PDSS2: variants seen among roughly 807,000 people sequenced by gnomAD.
The protein encoded by PDSS2 is decaprenyl diphosphate synthase subunit 2.
Under a neutral mutation model 44.5 loss-of-function variants are expected in PDSS2, and 31 were observed. The observed-to-expected ratio is 0.70, with a 90% CI of 0.52 to 0.94. The LOEUF (loss-of-function observed/expected upper bound fraction) is 0.94, where lower values mean the gene tolerates loss of function less well. Among genes scored for constraint, PDSS2 ranks in the 40% least tolerant of loss-of-function variants. The probability of loss-of-function intolerance (pLI) is 0.00; values close to 1 mark genes in which losing one functional copy is unlikely to be tolerated. For synonymous variants in PDSS2, 157 were observed against 180.3 expected (o/e 0.87, Z 1.03); for missense variants, 452 against 482.2 (o/e 0.94, Z 0.59).
At chr6:107,303,157 G>C (rs948079904) in intron 2 of PDSS2, among the ~76,000 whole-genome samples, 2 of 152,136 alleles carry the variant, frequency 1.3e-5, no homozygotes, top group Non-Finnish European at 2.9e-5. Context: ...AAGAGCAAGG[G>C]AGTGAGTACT....
chr6:107,366,680 G>A (rs1056882658), intron 1 of PDSS2, among the ~76,000 whole-genome samples: 38 of 151,904 alleles, frequency 2.5e-4, no homozygotes, highest in African/African-American at 4.8e-4. Flanking sequence ...AAAGGACTAT[G>A]AGGGAATATA....
intron 7 of PDSS2, among the ~76,000 whole-genome samples, chr6:107,165,159 T>A (rs1554247298): frequency 6.6e-6 from 1 of 152,166 alleles, no homozygotes; most frequent in African/African-American, 2.4e-5. Context: ...GCAGAAGCTC[T>A]TTAGTTTAAT....
chr6:107,455,724 C>G (rs1399969690), intron 1 of PDSS2, among the ~76,000 whole-genome samples: 1 of 134,798 alleles, frequency 7.4e-6, no homozygotes, highest in Non-Finnish European at 1.5e-5. Context: ...ACTGGGCACT[C>G]CAGCCTGGCG....
chr6:107,197,025 T>G lies in PDSS2; in HGVS notation c.1009-3171A>C, dbSNP rs79318597. 6.0e-3 allele frequency among the ~76,000 whole-genome samples: 918 copies of G among 152,330 alleles called. 12 individuals are homozygous for G. The highest frequency in any genetic ancestry group is 0.021 in the African/African-American group (876 of 41,576). On this transcript the variant is annotated intron_variant, in intron 6 of 7. Coordinates refer to ENST00000369037, the MANE Select transcript of PDSS2 (RefSeq NM_020381.4). Reference sequence around the variant, plus strand: ...TCCCACTTGTCTTAACTTATGCATCTTCTCATCTGTGTTCTTTGTAATATT... The same window carrying G: ...TCCCACTTGTCTTAACTTATGCATCGTCTCATCTGTGTTCTTTGTAATATT...
chr6:107,393,920 C>T (rs1403652236), intron 1 of PDSS2, among the ~76,000 whole-genome samples: 1 of 152,128 alleles, frequency 6.6e-6, no homozygotes, highest in East Asian at 1.9e-4. Context: ...TTGTTTGATA[C>T]ATATTTTTCT....
chr6:107,405,572 G>A (rs1780286077), intron 1 of PDSS2, among the ~76,000 whole-genome samples: 1 of 152,124 alleles, frequency 6.6e-6, no homozygotes, highest in African/African-American at 2.4e-5. Flanking sequence ...CAGAGGCCGG[G>A]CGCGGTGGCT....
intron 2 of PDSS2, among the ~76,000 whole-genome samples, chr6:107,283,623 G>C (rs1391470497): frequency 6.6e-6 from 1 of 152,112 alleles, no homozygotes; most frequent in East Asian, 1.9e-4. Flanking sequence ...GGGAGGCTGA[G>C]GCAGAAGAAT....
At chr6:107,293,155 G>C (rs1776401010) in intron 2 of PDSS2, among the ~76,000 whole-genome samples, 1 of 152,260 alleles carries the variant, frequency 6.6e-6, no homozygotes, top group East Asian at 1.9e-4. Flanking sequence ...CACTGTTGCA[G>C]CTCCCTGGAC....
intron 4 of PDSS2, among the ~76,000 whole-genome samples, chr6:107,225,149 A>ATATATATATT (rs1773755183): frequency 3.6e-5 from 2 of 55,404 alleles, no homozygotes; most frequent in East Asian, 8.0e-4. Flanking sequence ...ATATATATAT[A>ATATATATATT]TATATATATA....
intron 5 of PDSS2, 101 bp downstream of exon 5, chr6:107,212,008 A>G: frequency 1.0e-6 from 1 of 980,434 alleles, no homozygotes; most frequent in South Asian, 1.3e-5. Flanking sequence ...CACAATAAGC[A>G]TTTTTGAAAT....
rs145731942 is a variant in PDSS2, at chr6:107,217,552, A to G, written c.703-5270T>C. On this transcript the variant is annotated intron_variant, in intron 4 of 7. Coordinates refer to ENST00000369037, the MANE Select transcript of PDSS2 (RefSeq NM_020381.4). ...TTGATTTAGTGACTTCTGACCAATA[A>G]AAAAAAAAAACTCTCAGCTTCCCTC... Among the ~76,000 whole-genome samples, 415 of 149,364 alleles carry G rather than the reference A, an allele frequency of 2.8e-3. 2 individuals carry two copies. The highest frequency in any genetic ancestry group is 9.2e-3 in the African/African-American group (377 of 40,912).
chr6:107,225,542 T>C (rs912276451), intron 4 of PDSS2, among the ~76,000 whole-genome samples: 3 of 152,028 alleles, frequency 2.0e-5, no homozygotes, highest in African/African-American at 4.8e-5. Flanking sequence ...TCTAGTACAA[T>C]GTAGGAAGGG....
intron 3 of PDSS2, among the ~76,000 whole-genome samples, chr6:107,262,021 G>A (rs1054461167): frequency 2.1e-5 from 3 of 146,032 alleles, no homozygotes; most frequent in Non-Finnish European, 3.0e-5. Context: ...CCATTCTCCC[G>A]CCTCAGCCTC....
rs1162212096 is a variant in PDSS2 at position 107,230,389 on chromosome 6, A to G, written c.702+15159T>C. Among the ~76,000 whole-genome samples the G allele has an allele frequency of 1.3e-5, 2 of 152,110 alleles. 1 individual carries two copies. Among genetic ancestry groups the G allele is most frequent in the Non-Finnish European group, 2.9e-5 (2 of 68,022 alleles). On this transcript the variant is annotated intron_variant, in intron 4 of 7. Coordinates refer to ENST00000369037, the MANE Select transcript of PDSS2 (RefSeq NM_020381.4). Reference sequence around the variant, plus strand: ...TTAGGTCCTCAGGCTAGAAGCCTCCAGTTAAACTCTTCAAACCAGCTCCCT... The same window carrying G: ...TTAGGTCCTCAGGCTAGAAGCCTCCGGTTAAACTCTTCAAACCAGCTCCCT...
At chr6:107,169,595 C>T (rs1451639259) in intron 7 of PDSS2, among the ~76,000 whole-genome samples, 1 of 152,048 alleles carries the variant, frequency 6.6e-6, no homozygotes, top group African/African-American at 2.4e-5. Context: ...TGTTTTTTCC[C>T]CATCTTTGTG....
chr6:107,237,896 T>G (rs1395752170), intron 4 of PDSS2, among the ~76,000 whole-genome samples: 1 of 120,442 alleles, frequency 8.3e-6, no homozygotes. Flanking sequence ...ACTCCGTCTC[T>G]GAAAAAAAAA....
chr6:107,278,078 AG>A (rs1469572305), intron 2 of PDSS2, among the ~76,000 whole-genome samples: 1 of 152,110 alleles, frequency 6.6e-6, no homozygotes, highest in African/African-American at 2.4e-5. Context: ...AATCACATAA[AG>A]ATACAATTAA....
chr6:107,221,491 G>A (rs1381177074), intron 4 of PDSS2, among the ~76,000 whole-genome samples: 3 of 150,980 alleles, frequency 2.0e-5, no homozygotes, highest in African/African-American at 7.3e-5. Flanking sequence ...TTCCTGAAAG[G>A]TGATAGATGT....
chr6:107,166,521 C>T (rs541518198), intron 7 of PDSS2, among the ~76,000 whole-genome samples: 11 of 152,122 alleles, frequency 7.2e-5, no homozygotes, highest in East Asian at 5.8e-4. Context: ...CCTGCCACCA[C>T]GCCTGGCTAT....
Sources: allele counts gnomAD v4.1 joint callset (sites outside exome capture counted in the v4.1 genomes callset), GRCh38; gene constraint gnomAD v4.1.1; transcripts MANE v1.5; gene names NCBI Gene and HGNC (gene_info 2026-07-23, HGNC 2026-07-21).